The following CHL1 variants were observed in gnomAD, a reference collection of about 807,000 sequenced individuals.
CHL1 encodes the protein neural cell adhesion molecule L1-like protein.
In CHL1, 96 loss-of-function variants were observed where a neutral mutation model predicts 141.9. The observed-to-expected ratio is 0.68, with a 90% CI of 0.57 to 0.80. The LOEUF is 0.80. Among genes scored for constraint, CHL1 ranks in the 30% least tolerant of loss-of-function variants. The pLI is 0.00. For synonymous variants in CHL1, 613 were observed against 502.2 expected (o/e 1.22, Z -2.95); for missense variants, 1,820 against 1,457.2 (o/e 1.25, Z -4.05).
intron 3 of CHL1, among the ~76,000 whole-genome samples, chr3:323,608 T>A (rs567266800): frequency 5.9e-5 from 9 of 152,250 alleles, no homozygotes; most frequent in African/African-American, 2.2e-4. Context: ...TTCCCATCAT[T>A]TTTTAACTAC....
In CHL1 at chr3:390,761, T is replaced by C. The variant is rs1708153449; in HGVS notation, c.2531T>C (p.Val844Ala). Reference sequence around the variant, plus strand: ...GTTATAAACAGTACATTAGTTAAAGTTACCTGGTCAACAGTTCCAAAGGAC... The same window carrying C: ...GTTATAAACAGTACATTAGTTAAAGCTACCTGGTCAACAGTTCCAAAGGAC... ...VDVINSTLVK[V>A]TWSTVPKDRV... is the part of the protein sequence containing the mutation. The change falls in exon 21 of 28, where the codon GTT becomes GCT. Residue 844 changes from valine to alanine, a missense_variant. Val to Ala is a moderately conservative substitution (Grantham distance 64). Transcript: ENST00000256509. The C allele has an allele frequency of 6.2e-7, 1 of 1,612,836 alleles. No homozygotes were observed. The highest frequency in any genetic ancestry group is 8.5e-7 in the Non-Finnish European group (1 of 1,178,912).
rs143070155 is a variant in CHL1 at position 302,157 on chromosome 3, T to G, written c.-94-17526T>G. Among the ~76,000 whole-genome samples the G allele has an allele frequency of 5.9e-5, 9 of 152,364 alleles. No individual in the cohort carries two copies. In the East Asian group the frequency reaches 1.7e-3, roughly 29 times the overall value. ...TAATCCAGTCTATCACTGATGGACA[T>G]TTGGGTTGGTTCCAAGTCTTTGCTA... On this transcript the variant is annotated intron_variant, in intron 2 of 27. Coordinates refer to ENST00000256509, the MANE Select transcript of CHL1 (RefSeq NM_006614.4).
rs73814743 is a variant in CHL1, at chr3:387,221, T to C, written c.2248-2031T>C. ...CTAACAATATCATTGGTTTCTCAGA[T>C]CCTCTAAAGGATACACATGTACCCC... On this transcript the variant is annotated intron_variant, in intron 19 of 27. Transcript: ENST00000256509. 9.9e-3 allele frequency among the ~76,000 whole-genome samples: 1,515 copies of C among 152,270 alleles called. 13 individuals carry two copies. The highest frequency in any genetic ancestry group is 0.027 in the Middle Eastern group (8 of 294).
At chr3:369,277 A>G (rs1705316039) in intron 15 of CHL1, among the ~76,000 whole-genome samples, 2 of 149,662 alleles carry the variant, frequency 1.3e-5, no homozygotes, top group South Asian at 4.2e-4. Flanking sequence ...TATTTCCTTG[A>G]GCAGTGGTTT....
intron 1 of CHL1, among the ~76,000 whole-genome samples, chr3:243,853 C>G (rs776441055): frequency 2.0e-5 from 3 of 152,182 alleles, no homozygotes; most frequent in Non-Finnish European, 4.4e-5. Context: ...TAAGTTATGA[C>G]AGCTGGTATG....
At chr3:360,260 C>G in intron 11 of CHL1, 24 bp from the exon 12 acceptor site, 1 of 1,612,018 alleles carries the variant, frequency 6.2e-7, no homozygotes, top group Non-Finnish European at 8.5e-7. Flanking sequence ...CCTTATCAAA[C>G]TGACATTCTT....
intron 2 of CHL1, among the ~76,000 whole-genome samples, chr3:280,751 A>G (rs1249531927): frequency 6.6e-6 from 1 of 152,130 alleles, no homozygotes; most frequent in Non-Finnish European, 1.5e-5. Flanking sequence ...AAATAGGAAA[A>G]ATTTGGTTGG....
At chr3:297,564 CATATT>C (rs1465756984) in intron 2 of CHL1, among the ~76,000 whole-genome samples, 1 of 152,032 alleles carries the variant, frequency 6.6e-6, no homozygotes, top group Non-Finnish European at 1.5e-5. Flanking sequence ...GAGTATACAA[CATATT>C]ATATTTTAAA....
At chr3:365,630 G>C (rs775822675) in intron 14 of CHL1, among the ~76,000 whole-genome samples, 3 of 152,208 alleles carry the variant, frequency 2.0e-5, no homozygotes, top group Non-Finnish European at 2.9e-5. Context: ...ATATCCAGAA[G>C]CACTTGAAGG....
chr3:297,774 G>A (rs1165613416), intron 2 of CHL1, among the ~76,000 whole-genome samples: 5 of 152,182 alleles, frequency 3.3e-5, no homozygotes, highest in Non-Finnish European at 5.9e-5. Flanking sequence ...AGAGAGCTCC[G>A]TTCTTGCCTC....
chr3:315,326 T>G (rs1187279735), intron 2 of CHL1, among the ~76,000 whole-genome samples: 2 of 152,106 alleles, frequency 1.3e-5, no homozygotes, highest in Non-Finnish European at 2.9e-5. Flanking sequence ...CATACTAACT[T>G]TCCCATGGTC....
intron 2 of CHL1, among the ~76,000 whole-genome samples, chr3:316,014 G>T (rs1469005073): frequency 6.6e-6 from 1 of 152,034 alleles, no homozygotes; most frequent in Non-Finnish European, 1.5e-5. Flanking sequence ...AGGGCCCACA[G>T]ATTGGTTCGA....
At chr3:403,487 C>A (rs1709301571) in intron 27 of CHL1, among the ~76,000 whole-genome samples, 1 of 152,090 alleles carries the variant, frequency 6.6e-6, no homozygotes, top group Non-Finnish European at 1.5e-5. Flanking sequence ...GCGGAGGTTG[C>A]AGTAAGCTGA....
intron 22 of CHL1, 22 bp downstream of exon 22, chr3:391,181 G>A: frequency 1.3e-6 from 2 of 1,564,996 alleles, no homozygotes; most frequent in Non-Finnish European, 1.8e-6. Flanking sequence ...ATGATGTAGA[G>A]TCATGTCAAA....
At chr3:338,058 G>T (rs1488463458) in intron 5 of CHL1, among the ~76,000 whole-genome samples, 5 of 152,226 alleles carry the variant, frequency 3.3e-5, no homozygotes. Context: ...TAGAGACGGG[G>T]TTTCACCATG....
chr3:318,551 G>A (rs1383247341), intron 2 of CHL1, among the ~76,000 whole-genome samples: 1 of 151,530 alleles, frequency 6.6e-6, no homozygotes, highest in African/African-American at 2.4e-5. Flanking sequence ...AATTGAAATT[G>A]TAAGAGAAAG....
In CHL1 at chr3:282,417, G is replaced by T. The variant is rs923253873; in HGVS notation, c.-94-37266G>T. On this transcript the variant is annotated intron_variant, in intron 2 of 27. Transcript: ENST00000256509. ...CAACAATATTTTAATACTTTCTTTT[G>T]TATTTTCCTTTACTAGTGTTCTTTA... 4.7e-4 allele frequency among the ~76,000 whole-genome samples: 72 copies of T among 152,048 alleles called. 1 individual carries two copies. The highest frequency in any genetic ancestry group is 1.2e-4 in the Non-Finnish European group (8 of 67,982).
At chr3:213,205 A>G (rs1032346672) in intron 1 of CHL1, 12 of 152,202 alleles carry the variant, frequency 7.9e-5, no homozygotes, top group Non-Finnish European at 1.6e-4. Flanking sequence ...TTTTTATAGT[A>G]AGAAGAATTG....
chr3:339,827 CG>C (rs2125138275), intron 5 of CHL1, among the ~76,000 whole-genome samples: 1 of 152,204 alleles, frequency 6.6e-6, no homozygotes, highest in African/African-American at 2.4e-5. Flanking sequence ...CAATGAAAAT[CG>C]GTTGTGAATC....
Sources: gnomAD v4.1 joint callset for allele counts (sites outside exome capture counted in the v4.1 genomes callset) on GRCh38, gnomAD v4.1.1 for gene constraint, MANE v1.5 for transcripts, NCBI Gene and HGNC (gene_info 2026-07-23, HGNC 2026-07-21) for gene names.